The following FHOD3 variants were observed in gnomAD, a reference collection of about 807,000 sequenced individuals.
FHOD3 encodes the protein FH1/FH2 domain-containing protein 3.
A neutral mutation model predicts 173.0 loss-of-function variants in FHOD3; 90 were observed. The observed-to-expected ratio is 0.52, with a 90% CI of 0.44 to 0.62. FHOD3 has a LOEUF of 0.62. Among genes scored for constraint, FHOD3 ranks in the 20% least tolerant of loss-of-function variants. The pLI, the probability that FHOD3 is intolerant of heterozygous loss-of-function variation, is 0.00. For missense variants in FHOD3, 1,945 were observed against 2,034.7 expected, an observed-to-expected ratio of 0.96 and a Z score of 0.85; for synonymous variants, 828 against 823.0, an observed-to-expected ratio of 1.01 and a Z score of -0.10.
At chr18:36,550,810 C>T (rs1339149888) in intron 5 of FHOD3, among the ~76,000 whole-genome samples, 1 of 152,082 alleles carries the variant, frequency 6.6e-6, no homozygotes, top group Admixed American at 6.5e-5. Context: ...ATTAGTTCTA[C>T]TAGCTTTTCT....
chr18:36,648,294 G>A (rs533890977), intron 10 of FHOD3, among the ~76,000 whole-genome samples: 1 of 152,300 alleles, frequency 6.6e-6, no homozygotes, highest in African/African-American at 2.4e-5. Flanking sequence ...GGGGCTAAAG[G>A]TGGAGGTCAC....
At chr18:36,515,011 T>G (rs576856389) in intron 5 of FHOD3, among the ~76,000 whole-genome samples, 1 of 152,286 alleles carries the variant, frequency 6.6e-6, no homozygotes, top group African/African-American at 2.4e-5. Context: ...GAAAGCCTTT[T>G]CTGGTGAGCC....
At chr18:36,434,320 C>A (rs2050704503) in intron 3 of FHOD3, among the ~76,000 whole-genome samples, 1 of 152,162 alleles carries the variant, frequency 6.6e-6, no homozygotes, top group African/African-American at 2.4e-5. Context: ...GAAATACTAT[C>A]TTTTCCTGTT....
intron 19 of FHOD3, among the ~76,000 whole-genome samples, chr18:36,730,139 G>A (rs2041280991): frequency 6.6e-6 from 1 of 152,156 alleles, no homozygotes; most frequent in Non-Finnish European, 1.5e-5. Context: ...GAATGGCAAG[G>A]TGAGGGCTTT....
At chr18:36,466,771 T>C (rs1389792025) in intron 3 of FHOD3, among the ~76,000 whole-genome samples, 1 of 152,068 alleles carries the variant, frequency 6.6e-6, no homozygotes, top group Admixed American at 6.6e-5. Flanking sequence ...GTCCATTTGG[T>C]GGGAGTCAGA....
Position 36,463,589 on chromosome 18 carries a change from C to G in FHOD3, c.338-38343C>G, listed in dbSNP as rs187492525. Among the ~76,000 whole-genome samples, 20 of 146,204 alleles carry G rather than the reference C, an allele frequency of 1.4e-4. No homozygotes were observed. In the Admixed American group the frequency reaches 1.4e-3, roughly 10 times the overall value. On this transcript the variant is annotated intron_variant, in intron 3 of 28. Transcript: ENST00000590592. ...TCTCGGCTTACTGCAACCTCTGTCT[C>G]CCTGCCTCAAGCAATCATCCCACCT... is the stretch of plus-strand genomic sequence containing the variant.
At chr18:36,600,252 AAC>A (rs67473480) in intron 7 of FHOD3, among the ~76,000 whole-genome samples, 33,459 of 142,980 alleles carry the variant, frequency 0.23, 4,216 homozygotes, top group East Asian at 0.33. Context: ...TCTCCTCTGC[AAC>A]ACACACACAC....
intron 1 of FHOD3, among the ~76,000 whole-genome samples, chr18:36,343,742 G>C (rs890253940): frequency 1.3e-5 from 2 of 152,182 alleles, no homozygotes; most frequent in African/African-American, 4.8e-5. Flanking sequence ...CCAGCCAGCA[G>C]GACTGTGAGC....
intron 14 of FHOD3, among the ~76,000 whole-genome samples, chr18:36,673,647 G>C (rs535859252): frequency 6.6e-6 from 1 of 152,168 alleles, no homozygotes; most frequent in Admixed American, 6.5e-5. Flanking sequence ...ATCTGGACAG[G>C]GGTTCCTCGA....
intron 2 of FHOD3, among the ~76,000 whole-genome samples, chr18:36,372,033 G>A (rs1352239011): frequency 6.6e-6 from 1 of 152,194 alleles, no homozygotes; most frequent in Admixed American, 6.5e-5. Flanking sequence ...AGCAGAATGG[G>A]CCCTAGTGGG....
intron 3 of FHOD3, among the ~76,000 whole-genome samples, chr18:36,465,947 A>G (rs2052895484): frequency 6.6e-6 from 1 of 152,154 alleles, no homozygotes; most frequent in Admixed American, 6.5e-5. Context: ...TCTGACCTCA[A>G]TTCTAAAGCA....
At chr18:36,747,985 A>G (rs2042226282) in intron 24 of FHOD3, among the ~76,000 whole-genome samples, 1 of 151,792 alleles carries the variant, frequency 6.6e-6, no homozygotes, top group Non-Finnish European at 1.5e-5. Flanking sequence ...TTAAAACCTG[A>G]TACTTTTATC....
At chr18:36,600,074 A>G (rs954733033) in intron 7 of FHOD3, among the ~76,000 whole-genome samples, 5 of 152,114 alleles carry the variant, frequency 3.3e-5, no homozygotes, top group Admixed American at 1.3e-4. Context: ...CTTTATCTCA[A>G]TGACAATTCT....
chr18:36,504,584 G>A (rs1309456543), intron 4 of FHOD3, among the ~76,000 whole-genome samples: 2 of 142,616 alleles, frequency 1.4e-5, no homozygotes, highest in East Asian at 2.2e-4. Flanking sequence ...ACACTCTGGG[G>A]ACTGTTGTGG....
At chr18:36,522,822 G>A (rs1039233724) in intron 5 of FHOD3, among the ~76,000 whole-genome samples, 2 of 152,196 alleles carry the variant, frequency 1.3e-5, no homozygotes, top group African/African-American at 4.8e-5. Flanking sequence ...AAATGTGTGT[G>A]CATGATCAGG....
chr18:36,543,046 ATCAG>A, intron 5 of FHOD3, among the ~76,000 whole-genome samples: 1 of 152,144 alleles, frequency 6.6e-6, no homozygotes, highest in Non-Finnish European at 1.5e-5. Flanking sequence ...ACCACATCCA[ATCAG>A]TCAGAAGGAA....
chr18:36,341,240 T>C (rs2045603853), intron 1 of FHOD3, among the ~76,000 whole-genome samples: 1 of 152,230 alleles, frequency 6.6e-6, no homozygotes, highest in South Asian at 2.1e-4. Flanking sequence ...GTTAATTGAA[T>C]AGTAAATATT....
intron 3 of FHOD3, among the ~76,000 whole-genome samples, chr18:36,466,037 G>A (rs939159430): frequency 2.0e-5 from 3 of 152,036 alleles, no homozygotes; most frequent in African/African-American, 7.2e-5. Context: ...TCCCCTCTCT[G>A]CCCTCTCACC....
intron 1 of FHOD3, among the ~76,000 whole-genome samples, chr18:36,334,780 G>T (rs750324038): frequency 6.6e-6 from 1 of 152,192 alleles, no homozygotes; most frequent in Non-Finnish European, 1.5e-5. Flanking sequence ...GAAGACTAAT[G>T]GATAATCTGA....
Sources: gnomAD v4.1 joint callset for allele counts (sites outside exome capture counted in the v4.1 genomes callset) on GRCh38, gnomAD v4.1.1 for gene constraint, MANE v1.5 for transcripts, NCBI Gene and HGNC (gene_info 2026-07-23, HGNC 2026-07-21) for gene names.